Variants in NRDE2 observed in about 807,000 individuals in gnomAD.
NRDE2 encodes the protein nuclear exosome regulator NRDE2.
NRDE2 carries 76 observed loss-of-function variants against 124.2 expected under a neutral mutation model. The observed-to-expected ratio is 0.61, with a 90% CI of 0.51 to 0.74. The LOEUF (loss-of-function observed/expected upper bound fraction) is 0.74, where lower values mean the gene tolerates loss of function less well. NRDE2 is among the 30% of genes least tolerant of loss of function. NRDE2 has a pLI of 0.00. For synonymous variants in NRDE2, 489 were observed against 528.1 expected (o/e 0.93, Z 1.01); for missense variants, 1,314 against 1,417.3 (o/e 0.93, Z 1.17).
chr14:90,324,752 C>A (rs1332383137), intron 1 of NRDE2, among the ~76,000 whole-genome samples: 2 of 151,754 alleles, frequency 1.3e-5, no homozygotes, highest in Non-Finnish European at 2.9e-5. Flanking sequence ...GACTTACTAA[C>A]CATGTGACCT....
Position 90,273,905 on chromosome 14 carries a change from A to G in NRDE2, c.*4431T>C, listed in dbSNP as rs530281709. The G allele has an allele frequency of 6.5e-6, 1 of 154,896 alleles. No individual in the cohort carries two copies. The highest frequency in any genetic ancestry group is 1.5e-5 in the Non-Finnish European group (1 of 68,290). The allele number at this position is 154,896 out of a possible 1,614,324, so 9.6% of individuals were successfully genotyped here. ...ACCCTTCTTTCTGCCTGCCTTTTCTATTCTTATGGATCCTTGTGATTGCAT... is the reference window on the plus strand; with the variant it reads ...ACCCTTCTTTCTGCCTGCCTTTTCTGTTCTTATGGATCCTTGTGATTGCAT... On this transcript the variant is annotated 3_prime_UTR_variant, in exon 14 of 14. Transcript: ENST00000354366.
intron 1 of NRDE2, among the ~76,000 whole-genome samples, chr14:90,331,498 G>A (rs1404190708): frequency 6.6e-6 from 1 of 152,232 alleles, no homozygotes; most frequent in South Asian, 2.1e-4. Flanking sequence ...TTTGCATCAA[G>A]GGTTTCCTCG....
In NRDE2 at chr14:90,272,221, T is replaced by C; in HGVS notation, c.*6115A>G. On this transcript the variant is annotated 3_prime_UTR_variant, in exon 14 of 14. Coordinates refer to ENST00000354366, the MANE Select transcript of NRDE2 (RefSeq NM_017970.4). The surrounding 1 kb of genome is among the most constrained non-coding windows in gnomAD (Gnocchi z 4.5). ...AGAATAGGTTTTTTGGAATTCCTTG[T>C]TAGAATAAAAATGAGTATGTCACTT... is the stretch of plus-strand genomic sequence containing the variant. 1 of 1,590,020 alleles carries C rather than the reference T, an allele frequency of 6.3e-7. No homozygotes were observed. Among genetic ancestry groups the C allele is most frequent in the Admixed American group, 1.9e-5 (1 of 53,668 alleles).
In NRDE2 at chr14:90,292,701, C is replaced by T. The variant is rs772852619; in HGVS notation, c.1838G>A (p.Arg613Lys). ...QTEEDCEDPE[R>K]QVLFDDIGQS... ...CCTGGGGCGGAGGATACATGCCTGT[C>T]TCTCGGGATCCTCACAGTCTTCCTC... is the stretch of plus-strand genomic sequence containing the variant. The change falls in exon 9 of 14, where the codon AGA becomes AAA. Residue 613 changes from arginine (R) to lysine (K), a missense_variant. Transcript: ENST00000354366. 3 of 1,613,388 alleles carry T rather than the reference C, an allele frequency of 1.9e-6. No individual in the cohort carries two copies. Among genetic ancestry groups the T allele is most frequent in the South Asian group, 2.2e-5 (2 of 91,044 alleles).
rs1007479254 is a variant in NRDE2, at chr14:90,271,962, G to A, written c.*6374C>T. ...GGCTAGAGTGCAGTGGCGCGATCTC[G>A]GCTCACTGTAACCTCTGCCTCCCGG... On this transcript the variant is annotated 3_prime_UTR_variant, in exon 14 of 14. Coordinates refer to ENST00000354366, the MANE Select transcript of NRDE2 (RefSeq NM_017970.4). The A allele has an allele frequency of 4.9e-6, 1 of 205,438 alleles. No homozygotes were observed. Among genetic ancestry groups the A allele is most frequent in the South Asian group, 6.0e-5 (1 of 16,778 alleles). 12.7% of individuals were successfully genotyped at this position (205,438 alleles called of 1,614,324 possible). A position where few individuals can be genotyped will look rare whatever the true frequency, so the allele number is the denominator to read the frequency against.
chr14:90,307,649 G>A (rs1452829758), intron 4 of NRDE2, among the ~76,000 whole-genome samples: 2 of 152,148 alleles, frequency 1.3e-5, no homozygotes, highest in East Asian at 1.9e-4. Flanking sequence ...GCCAAGGTGG[G>A]CGGATCACAA....
chr14:90,330,612 A>T (rs1258198230), intron 1 of NRDE2, among the ~76,000 whole-genome samples: 1 of 152,128 alleles, frequency 6.6e-6, no homozygotes, highest in African/African-American at 2.4e-5. Context: ...GGAGTTCGAG[A>T]CCAGCCTGGT....
intron 11 of NRDE2, among the ~76,000 whole-genome samples, 198 bp downstream of exon 11, chr14:90,288,019 C>A (rs541392257): frequency 9.2e-5 from 14 of 152,342 alleles, no homozygotes; most frequent in African/African-American, 3.4e-4. Flanking sequence ...ACCAACCCCC[C>A]TCCTGAGAGG....
rs1891771413 is a variant in NRDE2 at position 90,274,953 on chromosome 14, C to G, written c.*3383G>C. 6.6e-6 allele frequency: 1 copy of G among 152,008 alleles called. No individual in the cohort carries two copies. The highest frequency in any genetic ancestry group is 1.9e-4 in the East Asian group (1 of 5,180). The allele number at this position is 152,008 out of a possible 1,614,324, so 9.4% of individuals were successfully genotyped here. ...AAAGGGAAAGTCACACTGGAGATGC[C>G]CAGCAGACACCGTCTTCACCAAGTG... On this transcript the variant is annotated 3_prime_UTR_variant, in exon 14 of 14. Coordinates refer to ENST00000354366, the MANE Select transcript of NRDE2 (RefSeq NM_017970.4).
chr14:90,308,513 T>C (rs1053780122), intron 4 of NRDE2, among the ~76,000 whole-genome samples: 3 of 151,700 alleles, frequency 2.0e-5, no homozygotes, highest in African/African-American at 7.3e-5. Context: ...TAAAAGACAA[T>C]GATTGGGGGT....
chr14:90,316,893 T>A (rs1387337227), intron 2 of NRDE2, 82 bp from the exon 3 acceptor site: 1 of 914,456 alleles, frequency 1.1e-6, no homozygotes, highest in East Asian at 2.5e-5. Flanking sequence ...CAACAAATAT[T>A]TAAGATGGAA....
chr14:90,315,104 G>C (rs1237831805), intron 3 of NRDE2, among the ~76,000 whole-genome samples: 1 of 150,760 alleles, frequency 6.6e-6, no homozygotes, highest in African/African-American at 2.4e-5. Context: ...TTGAGCCCGG[G>C]AGGCAGAGGT....
At chr14:90,326,518 AGAGAG>A (rs1183373722) in intron 1 of NRDE2, among the ~76,000 whole-genome samples, 1 of 148,264 alleles carries the variant, frequency 6.7e-6, no homozygotes, top group African/African-American at 2.5e-5. Flanking sequence ...AAAAAAAAAA[AGAGAG>A]AGGGAAAATG....
intron 3 of NRDE2, among the ~76,000 whole-genome samples, chr14:90,313,862 G>C (rs1884945053): frequency 6.6e-6 from 1 of 152,182 alleles, no homozygotes; most frequent in Non-Finnish European, 1.5e-5. Context: ...GTTGTTGAAT[G>C]ATGAGCCTCA....
Position 90,267,905 on chromosome 14 carries a change from G to A in NRDE2, c.*10431C>T, listed in dbSNP as rs189212614. On this transcript the variant is annotated 3_prime_UTR_variant, in exon 14 of 14. Coordinates refer to ENST00000354366, the MANE Select transcript of NRDE2 (RefSeq NM_017970.4). ...CATTACTGGAATGAAGCAATTCTTCGTACAGGTAATTATAGTTCGCAGCTT... is the reference window on the plus strand; with the variant it reads ...CATTACTGGAATGAAGCAATTCTTCATACAGGTAATTATAGTTCGCAGCTT... 313 of 230,092 alleles carry A rather than the reference G, an allele frequency of 1.4e-3. 2 individuals are homozygous for A. Among genetic ancestry groups the A allele is most frequent in the African/African-American group, 6.6e-3 (290 of 43,800 alleles). 14.3% of individuals were successfully genotyped at this position (230,092 alleles called of 1,614,324 possible).
rs199890497 is a variant in NRDE2 at position 90,303,001 on chromosome 14, T to C, written c.1130A>G (p.Asn377Ser). The stretch of plus-strand genomic sequence containing the variant: ...CAGTTTCAGATCCACACTGCTCTGG[T>C]TGCTCTCAATGGCCCGCTCCAGAAT... ...LAILERAIES[N>S]QSSVDLKLAK... Residue 377 changes from asparagine to serine, a missense_variant, in exon 6 of 14, where the codon AAC becomes AGC. Physicochemically the swap from Asn to Ser is conservative, Grantham distance 46. Transcript: ENST00000354366. 4.6e-5 allele frequency: 74 copies of C among 1,613,936 alleles called. No homozygotes were observed. The highest frequency in any genetic ancestry group is 5.4e-5 in the Non-Finnish European group (64 of 1,180,042).
intron 1 of NRDE2, among the ~76,000 whole-genome samples, chr14:90,330,613 C>T (rs1955422298): frequency 1.3e-5 from 2 of 152,192 alleles, no homozygotes; most frequent in African/African-American, 4.8e-5. Context: ...GAGTTCGAGA[C>T]CAGCCTGGTC....
intron 9 of NRDE2, among the ~76,000 whole-genome samples, chr14:90,291,017 G>T (rs1241442462): frequency 2.0e-5 from 3 of 152,182 alleles, no homozygotes; most frequent in African/African-American, 7.2e-5. Flanking sequence ...TGGAAGATAA[G>T]AACTTTACTA....
rs183121923 is a variant in NRDE2, at chr14:90,304,568, C to T, written c.558-186G>A. 4.3e-3 allele frequency: 2,437 copies of T among 561,596 alleles called. 12 individuals carry two copies. Among genetic ancestry groups the T allele is most frequent in the Non-Finnish European group, 6.6e-3 (2,116 of 318,380 alleles). 34.8% of individuals were successfully genotyped at this position (561,596 alleles called of 1,614,324 possible). ...AGTAATTAACTTTCTTTCTGCCTGGCTTGACTTCTTCCTATAACACTTCAA... is the reference window on the plus strand; with the variant it reads ...AGTAATTAACTTTCTTTCTGCCTGGTTTGACTTCTTCCTATAACACTTCAA... On this transcript the variant is annotated intron_variant, in intron 4 of 13. Coordinates refer to ENST00000354366, the MANE Select transcript of NRDE2 (RefSeq NM_017970.4).
Sources: allele counts gnomAD v4.1 joint callset (sites outside exome capture counted in the v4.1 genomes callset), GRCh38; gene constraint gnomAD v4.1.1; non-coding constraint Gnocchi (gnomAD v3.1); transcripts MANE v1.5; gene names NCBI Gene and HGNC (gene_info 2026-07-23, HGNC 2026-07-21).